The following LAMA5 variants were observed in gnomAD, a reference collection of about 807,000 sequenced individuals.
LAMA5 encodes the protein laminin subunit alpha-5.
LAMA5 carries 260 observed loss-of-function variants against 433.4 expected under a neutral mutation model. The ratio of observed to expected loss-of-function variants is 0.60; its 90% CI spans 0.54 to 0.66. LAMA5 has a LOEUF of 0.66. Ranked by LOEUF, LAMA5 falls within the 30% of genes least tolerant of loss-of-function variation. The pLI is 0.00. For synonymous variants in LAMA5, 2,620 were observed against 2,226.6 expected (o/e 1.18, Z -4.97); for missense variants, 5,378 against 5,258.5 (o/e 1.02, Z -0.70).
chr20:62,342,119 T>G (rs1408608317), intron 11 of LAMA5: 1 of 179,072 alleles, frequency 5.6e-6, no homozygotes, highest in African/African-American at 2.5e-5. Flanking sequence ...CTGGCCAACA[T>G]GGTGAAACCC....
Position 62,309,968 on chromosome 20 carries a change from G to A in LAMA5, c.10828+20C>T, listed in dbSNP as rs1986033549. On this transcript the variant is annotated intron_variant, in intron 78 of 79. Coordinates refer to ENST00000252999, the MANE Select transcript of LAMA5 (RefSeq NM_005560.6). ...AAGGGTGGGGGTGGCAGAGTGCCCT[G>A]GCCACAGGAGGGGCCTCACCCGCTA... 1 of 1,607,996 alleles carries A rather than the reference G, an allele frequency of 6.2e-7. No homozygotes were observed. Among genetic ancestry groups the A allele is most frequent in the African/African-American group, 1.3e-5 (1 of 74,894 alleles).
Position 62,322,428 on chromosome 20 carries a change from C to T in LAMA5, c.6187G>A (p.Gly2063Ser). 6.3e-7 allele frequency: 1 copy of T among 1,592,232 alleles called. No individual in the cohort carries two copies. The highest frequency in any genetic ancestry group is 8.5e-7 in the Non-Finnish European group (1 of 1,169,956). Reference sequence around the variant, plus strand: ...GCACACGGGCGGCAGCCCCCGCAGCCATCGAAACCAAAATGTCCCTCCTGT... The same window carrying T: ...GCACACGGGCGGCAGCCCCCGCAGCTATCGAAACCAAAATGTCCCTCCTGT... ...RCQEGHFGFD[G>S]CGGCRPCACG... Residue 2063 changes from glycine (G) to serine (S), a missense_variant, in exon 47 of 80, where the codon GGC becomes AGC. Gly to Ser is a moderately conservative substitution (Grantham distance 56). Coordinates refer to ENST00000252999, the MANE Select transcript of LAMA5 (RefSeq NM_005560.6).
chr20:62,329,227 G>C lies in LAMA5; in HGVS notation c.4146C>G (p.Asn1382Lys). 1 of 1,612,594 alleles carries C rather than the reference G, an allele frequency of 6.2e-7. No homozygotes were observed. Among genetic ancestry groups the C allele is most frequent in the African/African-American group, 1.3e-5 (1 of 75,046 alleles). Residue 1382 changes from asparagine to lysine, a missense_variant, in exon 33 of 80, where the codon AAC becomes AAG. Coordinates refer to ENST00000252999, the MANE Select transcript of LAMA5 (RefSeq NM_005560.6). ...WLDYVLVVPE[N>K]VYSFGYLREE... Reference sequence around the variant, plus strand: ...CCCGGAGGTAGCCAAAGCTGTAGACGTTCTCAGGGACCACGAGTACATAAT... The same window carrying C: ...CCCGGAGGTAGCCAAAGCTGTAGACCTTCTCAGGGACCACGAGTACATAAT...
At position 62,330,862 on chromosome 20, in the gene LAMA5, C is replaced by T. The variant is rs367908848; in HGVS notation, c.3733G>A (p.Gly1245Ser). 2.9e-5 allele frequency: 44 copies of T among 1,539,476 alleles called. No individual in the cohort carries two copies. The highest frequency in any genetic ancestry group is 1.7e-4 in the Middle Eastern group (1 of 5,942). Residue 1245 changes from glycine (G) to serine (S), a missense_variant, in exon 30 of 80, where the codon GGC (glycine) becomes AGC (serine). Physicochemically the swap from Gly to Ser is moderately conservative, Grantham distance 56. Transcript: ENST00000252999. Reference protein sequence around the residue: ...RDCQVIPLPPGLPLTHAQDLT... With the variant: ...RDCQVIPLPPSLPLTHAQDLT... ...TCCTGCGCGTGGGTCAGCGGGAGGC[C>T]GGGCGGCAGCGGGATCACCTGGCAG... is the stretch of plus-strand genomic sequence containing the variant.
intron 50 of LAMA5, among the ~76,000 whole-genome samples, chr20:62,320,154 AC>A (rs1165944415): frequency 6.6e-6 from 1 of 151,928 alleles, no homozygotes; most frequent in East Asian, 1.9e-4. Context: ...CCCCATCTGT[AC>A]TAAAAATACA....
chr20:62,336,787 C>A lies in LAMA5; in HGVS notation c.2165-1G>T. ...AGACCGGCAGGGTGGCAAGAGCCAG[C>A]TGTGAAGAGAGGACCATGCCTCGGT... On this transcript the variant is annotated splice_acceptor_variant, in intron 16 of 79. Transcript: ENST00000252999. LOFTEE classifies it high-confidence loss of function. 6.2e-7 allele frequency: 1 copy of A among 1,612,550 alleles called. No homozygotes were observed. The highest frequency in any genetic ancestry group is 2.2e-5 in the East Asian group (1 of 44,882).
At chr20:62,364,752 T>TGCCCA (rs1479837353) in intron 1 of LAMA5, among the ~76,000 whole-genome samples, 1 of 152,212 alleles carries the variant, frequency 6.6e-6, no homozygotes, top group African/African-American at 2.4e-5. Flanking sequence ...CTGCTCCAGC[T>TGCCCA]GCCCAGCAGG....
At chr20:62,349,247 G>T (rs1419584181) in intron 6 of LAMA5, among the ~76,000 whole-genome samples, 1 of 133,844 alleles carries the variant, frequency 7.5e-6, no homozygotes, top group Non-Finnish European at 1.5e-5. Context: ...CGCCAGTCTG[G>T]GCAACAGAGT....
In LAMA5 at chr20:62,328,381, G is replaced by A. The variant is rs1979699623; in HGVS notation, c.4512C>T (p.Thr1504=). 6 of 1,566,056 alleles carry A rather than the reference G, an allele frequency of 3.8e-6. No individual in the cohort carries two copies. Among genetic ancestry groups the A allele is most frequent in the South Asian group, 1.2e-5 (1 of 84,904 alleles). The change falls in exon 35 of 80, where the codon ACC becomes ACT. Residue 1504 remains threonine (T), a synonymous_variant. Transcript: ENST00000252999. The stretch of plus-strand genomic sequence containing the variant: ...GGCACAGCAGGCAGTCGGGCGGGAT[G>A]GTGCGTGGCGGGCAGATGCACTGGC... ...LTGQCICPPR[T]IPPDCLLCQP...
At position 62,327,898 on chromosome 20, in the gene LAMA5, A is replaced by G; in HGVS notation, c.4765T>C (p.Cys1589Arg). 1 of 1,611,520 alleles carries G rather than the reference A, an allele frequency of 6.2e-7. No homozygotes were observed. Among genetic ancestry groups the G allele is most frequent in the Non-Finnish European group, 8.5e-7 (1 of 1,179,656 alleles). ...CHEAGTAPGV[C>R]DPLTGQCYCK... ...TAGCACTGCCCTGTGAGGGGGTCAC[A>G]CACGCCAGGCGCAGTGCCCGCCTCG... Residue 1589 changes from cysteine to arginine, a missense_variant, in exon 36 of 80, where the codon TGT becomes CGT. Physicochemically the swap from Cys to Arg is radical, Grantham distance 180 (BLOSUM62 -3). Transcript: ENST00000252999.
intron 1 of LAMA5, among the ~76,000 whole-genome samples, chr20:62,366,571 G>C (rs1158292532): frequency 6.6e-6 from 1 of 152,220 alleles, no homozygotes; most frequent in Admixed American, 6.5e-5. Flanking sequence ...TCCCGGGTAG[G>C]GCGGAGCTGC....
Position 62,322,411 on chromosome 20 carries a change from G to A in LAMA5, c.6204C>T (p.Arg2068=), listed in dbSNP as rs1480725420. 1.9e-6 allele frequency: 3 copies of A among 1,593,758 alleles called. No individual in the cohort carries two copies. The highest frequency in any genetic ancestry group is 1.7e-5 in the Admixed American group (1 of 57,262). The change falls in exon 47 of 80, where the codon CGC becomes CGT. Residue 2068 remains arginine, a synonymous_variant. Coordinates refer to ENST00000252999, the MANE Select transcript of LAMA5 (RefSeq NM_005560.6). ...CGGCGGCCGGTCCACAAGCACACGG[G>A]CGGCAGCCCCCGCAGCCATCGAAAC... ...HFGFDGCGGC[R]PCACGPAAEG...
chr20:62,312,753 G>A lies in LAMA5; in HGVS notation c.9106C>T (p.Arg3036Cys), dbSNP rs770788006. ...TCCACACGCACCAGCACACGCTTGC[G>A]GCTGCCCCCCAGCAGGAACACCTGG... ...AIQVFLLGGS[R>C]KRVLVRVERA... The change falls in exon 67 of 80, where the codon CGC becomes TGC. Residue 3036 changes from arginine (R) to cysteine (C), a missense_variant. Coordinates refer to ENST00000252999, the MANE Select transcript of LAMA5 (RefSeq NM_005560.6). 6.9e-6 allele frequency: 11 copies of A among 1,590,676 alleles called. No homozygotes were observed. Among genetic ancestry groups the A allele is most frequent in the African/African-American group, 4.1e-5 (3 of 74,038 alleles).
intron 18 of LAMA5, among the ~76,000 whole-genome samples, chr20:62,335,755 C>T (rs1171503291): frequency 1.4e-5 from 2 of 143,462 alleles, no homozygotes; most frequent in African/African-American, 5.2e-5. Flanking sequence ...CGTACCCCAA[C>T]ACTCTCTCCA....
Position 62,324,385 on chromosome 20 carries a change from A to T in LAMA5, c.5643+56T>A. 6.7e-7 allele frequency: 1 copy of T among 1,485,400 alleles called. No individual in the cohort carries two copies. The highest frequency in any genetic ancestry group is 1.4e-5 in the African/African-American group (1 of 72,210). 92.0% of individuals were successfully genotyped at this position (1,485,400 alleles called of 1,614,324 possible). ...TGCAGCCCCTGGTCTTCCCTGGCACACTTGACTGTGCCTTCAGTGAATGCT... is the reference window on the plus strand; with the variant it reads ...TGCAGCCCCTGGTCTTCCCTGGCACTCTTGACTGTGCCTTCAGTGAATGCT... On this transcript the variant is annotated intron_variant, in intron 42 of 79. Transcript: ENST00000252999. The surrounding 1 kb of genome is among the most constrained non-coding windows in gnomAD (Gnocchi z 4.4).
rs771624304 is a variant in LAMA5, at chr20:62,311,907, C to T, written c.9635+13G>A. On this transcript the variant is annotated intron_variant, in intron 70 of 79. Transcript: ENST00000252999. ...CCAGACCTTCACGATGAGGGCCCAGCGGCCAGGCTCACCCCGTGGCATTGC... is the reference window on the plus strand; with the variant it reads ...CCAGACCTTCACGATGAGGGCCCAGTGGCCAGGCTCACCCCGTGGCATTGC... 2.6e-5 allele frequency: 42 copies of T among 1,603,644 alleles called. No individual in the cohort carries two copies. The highest frequency in any genetic ancestry group is 5.3e-5 in the African/African-American group (4 of 74,788).
chr20:62,358,738 C>T lies in LAMA5; in HGVS notation c.450+3662G>A, dbSNP rs182148600. ...GACCCCAGCACTGGGACCTTGGGCA[C>T]TCCACACTGGCCCTGACCCTCTCAT... On this transcript the variant is annotated intron_variant, in intron 2 of 79. Transcript: ENST00000252999. Among the ~76,000 whole-genome samples the T allele has an allele frequency of 3.9e-5, 6 of 152,284 alleles. No homozygotes were observed. In the East Asian group the frequency reaches 1.2e-3, roughly 29 times the overall value.
intron 2 of LAMA5, among the ~76,000 whole-genome samples, chr20:62,360,611 T>G (rs1601432464): frequency 2.2e-5 from 1 of 44,610 alleles, no homozygotes; most frequent in African/African-American, 8.9e-5. Context: ...GGTGGGTGGG[T>G]GGATGGGTGG....
At chr20:62,339,923 G>A (rs1290645256) in intron 11 of LAMA5, among the ~76,000 whole-genome samples, 5 of 152,158 alleles carry the variant, frequency 3.3e-5, no homozygotes, top group Non-Finnish European at 2.9e-5. Context: ...GTGACCAAGA[G>A]GAAACTCCAG....
Sources: allele counts gnomAD v4.1 joint callset (sites outside exome capture counted in the v4.1 genomes callset), GRCh38; gene constraint gnomAD v4.1.1; non-coding constraint Gnocchi (gnomAD v3.1); transcripts MANE v1.5; gene names NCBI Gene and HGNC (gene_info 2026-07-23, HGNC 2026-07-21).